Variants in FAIM2 observed in about 807,000 individuals in gnomAD.
FAIM2 encodes protein lifeguard 2.
A neutral mutation model predicts 47.4 loss-of-function variants in FAIM2; 27 were observed. That is an observed-to-expected ratio of 0.57 (90% CI 0.42 to 0.78). The LOEUF (loss-of-function observed/expected upper bound fraction) is 0.78. Among genes scored for constraint, FAIM2 ranks in the 30% least tolerant of loss-of-function variants. The probability of loss-of-function intolerance (pLI) is 0.00; values close to 1 mark genes in which losing one functional copy is unlikely to be tolerated. For synonymous variants in FAIM2, 156 were observed against 159.3 expected (o/e 0.98, Z 0.16); for missense variants, 311 against 389.4 (o/e 0.80, Z 1.69).
chr12:49,889,466 G>C lies in FAIM2; in HGVS notation c.651+15C>G. 6.2e-7 allele frequency: 1 copy of C among 1,612,178 alleles called. No homozygotes were observed. The highest frequency in any genetic ancestry group is 8.5e-7 in the Non-Finnish European group (1 of 1,178,312). ...CTCAGGCCAGGGGTCCCTGCCTGCA[G>C]GCCCCAGAGCTGACCTTGGTCTGGA... On this transcript the variant is annotated intron_variant, in intron 9 of 11. Coordinates refer to ENST00000320634, the MANE Select transcript of FAIM2 (RefSeq NM_012306.4).
intron 11 of FAIM2, among the ~76,000 whole-genome samples, chr12:49,883,392 T>G (rs1592789017): frequency 1.4e-5 from 2 of 144,568 alleles, no homozygotes; most frequent in African/African-American, 2.6e-5. Flanking sequence ...ATGTGGGGCG[T>G]GATGTAGGGG....
intron 11 of FAIM2, among the ~76,000 whole-genome samples, chr12:49,884,891 G>A (rs1349176211): frequency 1.3e-5 from 2 of 152,202 alleles, no homozygotes; most frequent in Admixed American, 6.5e-5. Context: ...GGAGAATGGC[G>A]TGAACCTGGG....
chr12:49,885,278 G>C (rs1024100992), intron 11 of FAIM2, among the ~76,000 whole-genome samples: 1 of 152,180 alleles, frequency 6.6e-6, no homozygotes, highest in African/African-American at 2.4e-5. Flanking sequence ...TGATCCACGG[G>C]AAGCCAAGTA....
intron 11 of FAIM2, among the ~76,000 whole-genome samples, chr12:49,872,601 G>C (rs564145532): frequency 6.6e-6 from 1 of 152,300 alleles, no homozygotes; most frequent in South Asian, 2.1e-4. Flanking sequence ...TGCTCCCCCC[G>C]GCAGGCCCAA....
intron 5 of FAIM2, among the ~76,000 whole-genome samples, chr12:49,894,827 G>A (rs1304455624): frequency 2.6e-5 from 4 of 152,220 alleles, no homozygotes; most frequent in Non-Finnish European, 4.4e-5. Flanking sequence ...GTGTCTGCCT[G>A]GCAGGGCTAT....
intron 4 of FAIM2, 55 bp from the exon 5 acceptor site, chr12:49,897,139 T>C: frequency 7.1e-7 from 1 of 1,408,760 alleles, no homozygotes; most frequent in Non-Finnish European, 1.0e-6. Context: ...GGTCTCCATT[T>C]CTGGTTCAGC....
intron 2 of FAIM2, among the ~76,000 whole-genome samples, chr12:49,898,403 C>T (rs570451171): frequency 1.5e-4 from 14 of 93,842 alleles, no homozygotes; most frequent in African/African-American, 6.1e-4. Context: ...CCATCTTCTT[C>T]CCCCCACCAT....
intron 11 of FAIM2, among the ~76,000 whole-genome samples, chr12:49,877,509 T>TATATCGCCATCCCCACTAGAA (rs1946744385): frequency 8.8e-5 from 1 of 11,410 alleles, no homozygotes; most frequent in Non-Finnish European, 1.4e-4. Flanking sequence ...GGAATGAACA[T>TATATCGCCATCCCCACTAGAA]AAGTCTAAAA....
At chr12:49,877,730 GTA>G (rs1409021606) in intron 11 of FAIM2, among the ~76,000 whole-genome samples, 2 of 152,122 alleles carry the variant, frequency 1.3e-5, no homozygotes, top group Non-Finnish European at 2.9e-5. Context: ...CGGCATGTGG[GTA>G]TGTGTGTGCC....
At chr12:49,883,287 T>C (rs973764333) in intron 11 of FAIM2, among the ~76,000 whole-genome samples, 1 of 151,866 alleles carries the variant, frequency 6.6e-6, no homozygotes, top group Non-Finnish European at 1.5e-5. Context: ...CAACAATCAA[T>C]CCAGGCTGGA....
chr12:49,878,236 A>G lies in FAIM2; in HGVS notation c.802-7583T>C, dbSNP rs1439662926. On this transcript the variant is annotated intron_variant, in intron 11 of 11. Coordinates refer to ENST00000320634, the MANE Select transcript of FAIM2 (RefSeq NM_012306.4). ...CTTGTGTGTATATGTGCATGAGTGT[A>G]TGTGTGTATATGTGAGTGTATGTGC... 5.8e-5 allele frequency among the ~76,000 whole-genome samples: 7 copies of G among 120,836 alleles called. No individual in the cohort carries two copies. The South Asian group carries it at 8.6e-4, about 15-fold the overall frequency. The allele number at this position is 120,836 out of a possible 152,430, so 79.3% of individuals were successfully genotyped here.
At chr12:49,873,390 G>A (rs1280513779) in intron 11 of FAIM2, among the ~76,000 whole-genome samples, 1 of 152,100 alleles carries the variant, frequency 6.6e-6, no homozygotes, top group Non-Finnish European at 1.5e-5. Context: ...CTCCTTCTGT[G>A]TTTGATTTGG....
chr12:49,899,726 G>A (rs985653393), intron 2 of FAIM2, among the ~76,000 whole-genome samples: 1 of 152,232 alleles, frequency 6.6e-6, no homozygotes, highest in Non-Finnish European at 1.5e-5. Context: ...CTGTGTTTGT[G>A]TCACTGTGTG....
intron 11 of FAIM2, among the ~76,000 whole-genome samples, chr12:49,871,738 C>A (rs373972738): frequency 2.0e-5 from 3 of 151,134 alleles, no homozygotes; most frequent in African/African-American, 7.3e-5. Flanking sequence ...GTGATCTCAG[C>A]TCACTGCAAC....
intron 2 of FAIM2, chr12:49,900,229 G>A (rs1946972964): frequency 5.4e-6 from 7 of 1,286,706 alleles, no homozygotes. Context: ...TGTAGTGGGA[G>A]GTGTAGACCA....
At chr12:49,900,256 T>A (rs1424362147) in intron 2 of FAIM2, 3 of 1,272,884 alleles carry the variant, frequency 2.4e-6, no homozygotes, top group Non-Finnish European at 3.1e-6. Flanking sequence ...CTACTCCCTA[T>A]GAGCAGAGGC....
At position 49,889,511 on chromosome 12, in the gene FAIM2, G is replaced by A; in HGVS notation, c.621C>T (p.Leu207=). The change falls in exon 9 of 12, where the codon CTC becomes CTT. Residue 207 remains leucine (L), a synonymous_variant. Transcript: ENST00000320634. ...TCTGGAAGCTGAAGACGGTGACTGAGAGGCAGACAAGGGCCGTGATGCCCA... is the reference window on the plus strand; with the variant it reads ...TCTGGAAGCTGAAGACGGTGACTGAAAGGCAGACAAGGGCCGTGATGCCCA... ...LCLGITALVC[L]SVTVFSFQTK... is the part of the protein sequence containing the mutation. The A allele has an allele frequency of 6.2e-7, 1 of 1,614,100 alleles. No individual in the cohort carries two copies. The highest frequency in any genetic ancestry group is 8.5e-7 in the Non-Finnish European group (1 of 1,180,004).
At chr12:49,899,253 C>T (rs75265651) in intron 2 of FAIM2, among the ~76,000 whole-genome samples, 11 of 152,306 alleles carry the variant, frequency 7.2e-5, no homozygotes, top group South Asian at 4.1e-4. Context: ...TGCCCCTCAT[C>T]GTGGCCATTT....
rs1946675757 is a variant in FAIM2, at chr12:49,868,015, C to T, written c.*2489G>A. Reference sequence around the variant, plus strand: ...TGTGACACTGTTTATTGCCGAGGACCTGTCCCTCCTCCCCCAAGCTTTTGG... The same window carrying T: ...TGTGACACTGTTTATTGCCGAGGACTTGTCCCTCCTCCCCCAAGCTTTTGG... On this transcript the variant is annotated 3_prime_UTR_variant, in exon 12 of 12. Transcript: ENST00000320634. 1 of 154,678 alleles carries T rather than the reference C, an allele frequency of 6.5e-6. No homozygotes were observed. The highest frequency in any genetic ancestry group is 1.4e-5 in the Non-Finnish European group (1 of 69,588). The allele number at this position is 154,678 out of a possible 1,614,324, so 9.6% of individuals were successfully genotyped here. A position where few individuals can be genotyped will look rare whatever the true frequency, so the allele number is the denominator to read the frequency against.
Sources: gnomAD v4.1 joint callset for allele counts (sites outside exome capture counted in the v4.1 genomes callset) on GRCh38, gnomAD v4.1.1 for gene constraint, MANE v1.5 for transcripts, NCBI Gene and HGNC (gene_info 2026-07-23, HGNC 2026-07-21) for gene names.